Variants in SGSM2 observed in about 807,000 individuals in gnomAD.
SGSM2 encodes RUN and TBC1 domain containing 1.
A neutral mutation model predicts 126.6 loss-of-function variants in SGSM2; 89 were observed. That is an observed-to-expected ratio of 0.70 (90% CI 0.59 to 0.84). The LOEUF (loss-of-function observed/expected upper bound fraction) is 0.84, where lower values mean the gene tolerates loss of function less well. SGSM2 is among the 40% of genes least tolerant of loss of function. The pLI is 0.00. For missense variants in SGSM2, 1,404 were observed against 1,416.6 expected, an observed-to-expected ratio of 0.99 and a Z score of 0.14; for synonymous variants, 614 against 574.3, an observed-to-expected ratio of 1.07 and a Z score of -0.99.
In SGSM2 at chr17:2,373,422, A is replaced by G. The variant is rs745834614; in HGVS notation, c.2009A>G (p.His670Arg). The G allele has an allele frequency of 6.2e-7, 1 of 1,610,396 alleles. No individual in the cohort carries two copies. The highest frequency in any genetic ancestry group is 1.7e-5 in the Admixed American group (1 of 59,970). The change falls in exon 17 of 24, where the codon CAC becomes CGC. Residue 670 changes from histidine to arginine, a missense_variant. His to Arg is a conservative substitution (Grantham distance 29). Coordinates refer to ENST00000268989, the MANE Select transcript of SGSM2 (RefSeq NM_014853.3). ...VVVRQREREA[H>R]PATRTKFSSG... ...GTGAGGCAGCGGGAGCGGGAGGCCC[A>G]CCCAGCCACACGCACCAAGTTCTCC...
intron 13 of SGSM2, 47 bp downstream of exon 13, chr17:2,371,462 C>G: frequency 6.5e-7 from 1 of 1,544,682 alleles, no homozygotes. Flanking sequence ...CGTGTCCAGC[C>G]ACGTGTGTGT....
chr17:2,378,963 T>TC lies in SGSM2; in HGVS notation c.2900-72dup, dbSNP rs1416638338. The TC allele has an allele frequency of 7.9e-6, 12 of 1,516,120 alleles. No individual in the cohort carries two copies. The Admixed American group carries it at 2.2e-4, about 28-fold the overall frequency. The allele number at this position is 1,516,120 out of a possible 1,614,324, so 93.9% of individuals were successfully genotyped here. A position where few individuals can be genotyped will look rare whatever the true frequency, so the allele number is the denominator to read the frequency against. ...CTCAGCCCCAGCCTCAATCCCAGCC[T>TC]CAGCCTCAATCCCAGCCTCAGCCCC... On this transcript the variant is annotated intron_variant, in intron 22 of 23. Transcript: ENST00000268989.
In SGSM2 at chr17:2,379,509, G is replaced by A. The variant is rs761613625; in HGVS notation, c.3145G>A (p.Glu1049Lys). ...CGTCCACAAGGTGCAGATGCTCATA[G>A]AGAACAAGTGAGCTGGGGCCAGGAG... ...DLVHKVQMLI[E>K]NK The change falls in exon 24 of 24, where the codon GAG (glutamate) becomes AAG (lysine). Residue 1049 changes from glutamate (E) to lysine (K), a missense_variant. Transcript: ENST00000268989. 1.9e-6 allele frequency: 3 copies of A among 1,612,048 alleles called. No individual in the cohort carries two copies. The highest frequency in any genetic ancestry group is 2.5e-6 in the Non-Finnish European group (3 of 1,178,562).
rs1187582909 is a variant in SGSM2, at chr17:2,364,889, A to T, written c.1001-8A>T. 3.7e-6 allele frequency: 6 copies of T among 1,607,020 alleles called. No individual in the cohort carries two copies. The highest frequency in any genetic ancestry group is 5.1e-6 in the Non-Finnish European group (6 of 1,179,748). Reference sequence around the variant, plus strand: ...GGCCTCAGCCGCACTCTCCACGTTCACCCCCAGAGAGCGGTGGCACGCTTG... The same window carrying T: ...GGCCTCAGCCGCACTCTCCACGTTCTCCCCCAGAGAGCGGTGGCACGCTTG... On this transcript the variant is annotated splice_polypyrimidine_tract_variant and splice_region_variant and intron_variant, in intron 9 of 23. Coordinates refer to ENST00000268989, the MANE Select transcript of SGSM2 (RefSeq NM_014853.3).
In SGSM2 at chr17:2,380,332, A is replaced by G; in HGVS notation, c.*812A>G. 2 of 1,533,918 alleles carry G rather than the reference A, an allele frequency of 1.3e-6. No individual in the cohort carries two copies. The highest frequency in any genetic ancestry group is 1.4e-5 in the African/African-American group (1 of 73,136). ...AGTGGATGATCTGGAATGCGACCGG[A>G]GCACTTGCTCTGAGGAATCCCAGGG... On this transcript the variant is annotated 3_prime_UTR_variant, in exon 24 of 24. Transcript: ENST00000268989.
chr17:2,366,614 T>G (rs2065600112), intron 11 of SGSM2: 1 of 152,354 alleles, frequency 6.6e-6, no homozygotes, highest in African/African-American at 2.4e-5. Context: ...TTTACACACT[T>G]GGCACTTAGT....
chr17:2,348,541 T>C (rs778459898), intron 2 of SGSM2, among the ~76,000 whole-genome samples: 2 of 152,086 alleles, frequency 1.3e-5, no homozygotes, highest in African/African-American at 2.4e-5. Context: ...CTTGGGGCAT[T>C]GCGGAGGGCA....
At chr17:2,344,993 G>A (rs954635438) in intron 2 of SGSM2, among the ~76,000 whole-genome samples, 8 of 152,178 alleles carry the variant, frequency 5.3e-5, no homozygotes, top group African/African-American at 1.9e-4. Context: ...AGGTAGGTTT[G>A]TAGGACTTGA....
At position 2,367,445 on chromosome 17, in the gene SGSM2, C is replaced by A; in HGVS notation, c.1423+40C>A. 1 of 1,592,860 alleles carries A rather than the reference C, an allele frequency of 6.3e-7. No individual in the cohort carries two copies. The highest frequency in any genetic ancestry group is 8.6e-7 in the Non-Finnish European group (1 of 1,167,420). ...CTCTCCCTGACCCACCTCATCCCCA[C>A]CCTCCCTCCCGGGCCCGCCTGCCAC... On this transcript the variant is annotated intron_variant, in intron 12 of 23. Transcript: ENST00000268989. The surrounding 1 kb of genome is among the most constrained non-coding windows in gnomAD (Gnocchi z 4.0).
At chr17:2,361,068 A>G (rs1056695500) in intron 2 of SGSM2, among the ~76,000 whole-genome samples, 1 of 152,208 alleles carries the variant, frequency 6.6e-6, no homozygotes, top group African/African-American at 2.4e-5. Flanking sequence ...AAGTCCAGAC[A>G]GAGACTAAGC....
chr17:2,361,701 C>G lies in SGSM2; in HGVS notation c.198C>G (p.Asp66Glu), dbSNP rs1257561123. 6.2e-7 allele frequency: 1 copy of G among 1,613,916 alleles called. No homozygotes were observed. The highest frequency in any genetic ancestry group is 2.2e-5 in the East Asian group (1 of 44,898). Residue 66 changes from aspartate to glutamate, a missense_variant, in exon 3 of 24, where the codon GAC becomes GAG. By Grantham distance (45) the Asp-to-Glu change is conservative. Transcript: ENST00000268989. ...GTGCCGCTGGCTTCCTGCGCAGTGA[C>G]AAGATGGCAGCCCTGTTCACCAAGG... Reference protein sequence around the residue: ...RRRAAGFLRSDKMAALFTKVG... With the variant: ...RRRAAGFLRSEKMAALFTKVG...
chr17:2,373,760 G>C (rs763177407), intron 17 of SGSM2: 2 of 499,248 alleles, frequency 4.0e-6, no homozygotes, highest in African/African-American at 3.8e-5. Context: ...TATAGGGAAA[G>C]ATGGACTTAC....
intron 2 of SGSM2, among the ~76,000 whole-genome samples, chr17:2,353,579 A>G (rs1457198352): frequency 1.3e-5 from 2 of 152,128 alleles, no homozygotes; most frequent in East Asian, 3.9e-4. Flanking sequence ...CCTGGGCAAC[A>G]TGGTGAAACC....
chr17:2,343,461 G>A, intron 1 of SGSM2, 84 bp from the exon 2 acceptor site: 1 of 1,389,790 alleles, frequency 7.2e-7, no homozygotes, highest in African/African-American at 1.4e-5. Flanking sequence ...CAGACCAGAA[G>A]GGCGGAACCA....
chr17:2,376,989 T>G lies in SGSM2; in HGVS notation c.2723T>G (p.Leu908Arg), dbSNP rs2066194755. 1.2e-6 allele frequency: 2 copies of G among 1,613,838 alleles called. No homozygotes were observed. The highest frequency in any genetic ancestry group is 3.3e-4 in the Middle Eastern group (2 of 6,062). ...CTGGCCTACAGCTGCTTCAGCCACC[T>G]CATGAAGAGGATGAGCCAGAACTTC... The part of the protein sequence containing the change: ...DQLAYSCFSH[L>R]MKRMSQNFPN... The change falls in exon 21 of 24, where the codon CTC (leucine) becomes CGC (arginine). Residue 908 changes from leucine (L) to arginine (R), a missense_variant. Physicochemically the swap from Leu to Arg is moderately radical, Grantham distance 102 (BLOSUM62 -2). Transcript: ENST00000268989.
Position 2,363,704 on chromosome 17 carries a change from G to A in SGSM2, c.807+105G>A, listed in dbSNP as rs189009102. The A allele has an allele frequency of 2.2e-4, 317 of 1,458,686 alleles. 1 individual carries two copies. The highest frequency in any genetic ancestry group is 8.0e-5 in the South Asian group (6 of 75,274). 90.4% of individuals were successfully genotyped at this position (1,458,686 alleles called of 1,614,324 possible). On this transcript the variant is annotated intron_variant, in intron 7 of 23. Transcript: ENST00000268989. This position sits in a 1 kb window ranked among gnomAD's most constrained non-coding sequence, Gnocchi z 4.2. ...TTTCCTGAGGAGCTTGACCAGAGAC[G>A]GGGGGGAGAATGGCCCCAGCCTCCC...
chr17:2,358,873 GT>G (rs759581510), intron 2 of SGSM2, among the ~76,000 whole-genome samples: 3,300 of 88,124 alleles, frequency 0.037, 61 homozygotes, highest in African/African-American at 0.13. Context: ...TGTTGTTGTT[GT>G]TTTTTTTTTT....
Position 2,372,792 on chromosome 17 carries a change from C to A in SGSM2, c.1789-161C>A. ...GAACGAGATCTCATCCCACTGTGAGCTGGGGCACGGGAGGACGTGGCCACC... is the reference window on the plus strand; with the variant it reads ...GAACGAGATCTCATCCCACTGTGAGATGGGGCACGGGAGGACGTGGCCACC... On this transcript the variant is annotated intron_variant, in intron 15 of 23. Transcript: ENST00000268989. The surrounding 1 kb of genome is among the most constrained non-coding windows in gnomAD (Gnocchi z 6.0). The A allele has an allele frequency of 1.0e-6, 1 of 991,058 alleles. No individual in the cohort carries two copies. The highest frequency in any genetic ancestry group is 1.5e-6 in the Non-Finnish European group (1 of 686,904). The allele number at this position is 991,058 out of a possible 1,614,324, so 61.4% of individuals were successfully genotyped here. A position where few individuals can be genotyped will look rare whatever the true frequency, so the allele number is the denominator to read the frequency against.
intron 2 of SGSM2, among the ~76,000 whole-genome samples, chr17:2,359,745 G>C (rs924292539): frequency 6.6e-6 from 1 of 152,138 alleles, no homozygotes; most frequent in African/African-American, 2.4e-5. Context: ...AGGTGGGGAA[G>C]CGAATGACTC....
Sources: gnomAD v4.1 joint callset for allele counts (sites outside exome capture counted in the v4.1 genomes callset) on GRCh38, gnomAD v4.1.1 for gene constraint, Gnocchi (gnomAD v3.1) non-coding constraint, MANE v1.5 for transcripts, NCBI Gene and HGNC (gene_info 2026-07-23, HGNC 2026-07-21) for gene names.